DTNA: variants seen among roughly 807,000 people sequenced by gnomAD.
DTNA encodes the protein dystrobrevin alpha.
DTNA carries 43 observed loss-of-function variants against 100.7 expected under a neutral mutation model. The ratio of observed to expected loss-of-function variants is 0.43; its 90% CI spans 0.33 to 0.55. The LOEUF (loss-of-function observed/expected upper bound fraction) is 0.55. Among genes scored for constraint, DTNA ranks in the 20% least tolerant of loss-of-function variants. The pLI, the probability that DTNA is intolerant of heterozygous loss-of-function variation, is 0.04. For missense variants in DTNA, 798 were observed against 953.9 expected (o/e 0.84, Z 2.15); for synonymous variants, 349 against 347.9 (o/e 1.00, Z -0.04).
At chr18:34,505,666 A>G (rs1484693977) in intron 1 of DTNA, among the ~76,000 whole-genome samples, 1 of 151,946 alleles carries the variant, frequency 6.6e-6, no homozygotes, top group African/African-American at 2.4e-5. Context: ...TTTCAATTCT[A>G]AAATTTCTAC....
At chr18:34,539,146 G>C (rs1447861461) in intron 1 of DTNA, among the ~76,000 whole-genome samples, 4 of 151,920 alleles carry the variant, frequency 2.6e-5, no homozygotes, top group Non-Finnish European at 2.9e-5. Flanking sequence ...ATGCATTGAT[G>C]GTCCAGGAGT....
chr18:34,546,040 G>A (rs1298192098), intron 1 of DTNA, among the ~76,000 whole-genome samples: 1 of 151,940 alleles, frequency 6.6e-6, no homozygotes, highest in Admixed American at 6.6e-5. Context: ...TCATACTGTG[G>A]GAAGAATGTT....
At chr18:34,526,548 A>G (rs557752779) in intron 1 of DTNA, among the ~76,000 whole-genome samples, 1 of 151,256 alleles carries the variant, frequency 6.6e-6, no homozygotes, top group Admixed American at 6.6e-5. Flanking sequence ...AGTATTACCT[A>G]TTACTGTTAT....
At chr18:34,542,929 C>T (rs1174782218) in intron 1 of DTNA, among the ~76,000 whole-genome samples, 2 of 151,850 alleles carry the variant, frequency 1.3e-5, no homozygotes, top group Non-Finnish European at 2.9e-5. Flanking sequence ...CTTATTTCTA[C>T]ATCATACTAA....
intron 6 of DTNA, among the ~76,000 whole-genome samples, chr18:34,813,786 G>T (rs1276070881): frequency 7.0e-6 from 1 of 143,644 alleles, no homozygotes; most frequent in East Asian, 2.2e-4. Context: ...AGGTTGCAGT[G>T]AGCCAAGATT....
intron 1 of DTNA, among the ~76,000 whole-genome samples, chr18:34,733,229 G>C (rs1208943460): frequency 1.3e-5 from 2 of 152,200 alleles, no homozygotes; most frequent in Admixed American, 1.3e-4. Context: ...TTCATTCGAA[G>C]GCTTCTGGGT....
At chr18:34,717,415 T>C (rs183466858) in intron 1 of DTNA, among the ~76,000 whole-genome samples, 3 of 152,304 alleles carry the variant, frequency 2.0e-5, no homozygotes, top group Admixed American at 2.0e-4. Context: ...GTGAGTATTC[T>C]TTGTGCAATT....
chr18:34,779,531 G>C (rs1325366511), intron 3 of DTNA, among the ~76,000 whole-genome samples: 1 of 152,042 alleles, frequency 6.6e-6, no homozygotes, highest in African/African-American at 2.4e-5. Flanking sequence ...TAATTTCCCA[G>C]GCCCTTTCTA....
chr18:34,656,601 C>A (rs1599684858), intron 1 of DTNA, among the ~76,000 whole-genome samples: 1 of 152,190 alleles, frequency 6.6e-6, no homozygotes. Flanking sequence ...CCACATTTCA[C>A]AGATGTCACA....
intron 1 of DTNA, among the ~76,000 whole-genome samples, chr18:34,600,589 C>A (rs938603470): frequency 4.6e-5 from 7 of 152,142 alleles, no homozygotes; most frequent in African/African-American, 1.7e-4. Context: ...ACTTCCAGGT[C>A]TTAGATTGTT....
intron 15 of DTNA, among the ~76,000 whole-genome samples, chr18:34,857,427 A>C (rs2096565906): frequency 6.6e-6 from 1 of 152,172 alleles, no homozygotes; most frequent in Non-Finnish European, 1.5e-5. Context: ...TGACACCCCC[A>C]GCTCCCAAGA....
chr18:34,507,403 C>T (rs548899221), intron 1 of DTNA, among the ~76,000 whole-genome samples: 107 of 152,196 alleles, frequency 7.0e-4, no homozygotes, highest in African/African-American at 2.2e-3. Context: ...AGGAGCACCT[C>T]CTAGAAATTA....
intron 1 of DTNA, among the ~76,000 whole-genome samples, chr18:34,531,424 AT>A (rs1051176487): frequency 6.6e-5 from 10 of 152,050 alleles, no homozygotes; most frequent in Admixed American, 3.9e-4. Flanking sequence ...TACATAAGCT[AT>A]TTTTTTCCTT....
At chr18:34,701,249 T>C (rs1458399493) in intron 1 of DTNA, among the ~76,000 whole-genome samples, 2 of 152,194 alleles carry the variant, frequency 1.3e-5, no homozygotes, top group Non-Finnish European at 2.9e-5. Context: ...CTTCTCCTGT[T>C]CCTCAACATT....
intron 1 of DTNA, among the ~76,000 whole-genome samples, chr18:34,753,361 A>ATTTATTTTTTTT (rs1568412397): frequency 5.2e-5 from 5 of 96,906 alleles, no homozygotes; most frequent in African/African-American, 2.1e-4. Context: ...TTATTTATTT[A>ATTTATTTTTTTT]TTTTATTTTT....
chr18:34,538,521 G>A (rs2145682848), intron 1 of DTNA, among the ~76,000 whole-genome samples: 1 of 152,130 alleles, frequency 6.6e-6, no homozygotes, highest in East Asian at 1.9e-4. Context: ...GCTTGCTTGA[G>A]TTCAAATCAT....
intron 1 of DTNA, among the ~76,000 whole-genome samples, chr18:34,712,356 A>G (rs1398962636): frequency 2.0e-5 from 3 of 152,122 alleles, no homozygotes; most frequent in East Asian, 3.8e-4. Context: ...TCTTTAAAAT[A>G]CATGATAAAG....
intron 1 of DTNA, among the ~76,000 whole-genome samples, chr18:34,589,463 G>T (rs1017889062): frequency 9.9e-5 from 15 of 151,932 alleles, no homozygotes; most frequent in Non-Finnish European, 1.5e-4. Context: ...CAAAAAATTA[G>T]CTGGGCGTGG....
rs148165672 is a variant in DTNA, at chr18:34,878,921, C to T, written c.1994-630C>T. Among the ~76,000 whole-genome samples the T allele has an allele frequency of 4.6e-5, 7 of 152,280 alleles. No individual in the cohort carries two copies. In the East Asian group the frequency reaches 9.6e-4, roughly 21 times the overall value. ...TCAGTTTTAAAAAAATCCTGGACTTCGCTTTCTTAAAGCCTCTCAATTGAA... is the reference window on the plus strand; with the variant it reads ...TCAGTTTTAAAAAAATCCTGGACTTTGCTTTCTTAAAGCCTCTCAATTGAA... On this transcript the variant is annotated intron_variant, in intron 19 of 22. Transcript: ENST00000444659.
Sources: gnomAD v4.1 joint callset for allele counts (sites outside exome capture counted in the v4.1 genomes callset) on GRCh38, gnomAD v4.1.1 for gene constraint, MANE v1.5 for transcripts, NCBI Gene and HGNC (gene_info 2026-07-23, HGNC 2026-07-21) for gene names.